CHD7: variants seen among roughly 807,000 people sequenced by gnomAD.
CHD7 encodes chromodomain helicase DNA binding protein 7.
Under a neutral mutation model 307.3 loss-of-function variants are expected in CHD7, and 24 were observed. That is an observed-to-expected ratio of 0.08 (90% CI 0.06 to 0.11). The LOEUF (loss-of-function observed/expected upper bound fraction) is 0.11. Among genes scored for constraint, CHD7 ranks in the 10% least tolerant of loss-of-function variants. The pLI is 1.00. For missense variants in CHD7, 3,106 were observed against 3,727.1 expected, an observed-to-expected ratio of 0.83 and a Z score of 4.34; for synonymous variants, 1,363 against 1,349.9, an observed-to-expected ratio of 1.01 and a Z score of -0.21.
intron 1 of CHD7, among the ~76,000 whole-genome samples, chr8:60,699,517 A>T (rs1806649823): frequency 6.7e-6 from 1 of 150,216 alleles, no homozygotes; most frequent in Non-Finnish European, 1.5e-5. Flanking sequence ...CATTTCACTT[A>T]AAAAAAAATT....
At chr8:60,829,168 T>G (rs1397493442) in intron 14 of CHD7, among the ~76,000 whole-genome samples, 1 of 152,236 alleles carries the variant, frequency 6.6e-6, no homozygotes, top group Non-Finnish European at 1.5e-5. Flanking sequence ...TGCTGCAGTT[T>G]TGAGTCTCTG....
intron 1 of CHD7, among the ~76,000 whole-genome samples, chr8:60,704,192 G>A (rs1029166460): frequency 1.3e-5 from 2 of 151,802 alleles, no homozygotes; most frequent in African/African-American, 2.4e-5. Flanking sequence ...AGAATTTATC[G>A]TTTTGTGTTT....
intron 9 of CHD7, among the ~76,000 whole-genome samples, chr8:60,821,568 A>T (rs1804033696): frequency 6.6e-6 from 1 of 151,480 alleles, no homozygotes; most frequent in African/African-American, 2.4e-5. Context: ...ATGTATATAC[A>T]CCTATGTGTA....
At chr8:60,827,356 A>T (rs1195958707) in intron 13 of CHD7, among the ~76,000 whole-genome samples, 2 of 152,198 alleles carry the variant, frequency 1.3e-5, no homozygotes, top group Non-Finnish European at 2.9e-5. Flanking sequence ...AGCAGTCAAG[A>T]TTTAATTTAA....
intron 2 of CHD7, among the ~76,000 whole-genome samples, chr8:60,761,214 T>A (rs371378580): frequency 6.6e-6 from 1 of 150,896 alleles, no homozygotes; most frequent in Non-Finnish European, 1.5e-5. Context: ...AAATTGGAAA[T>A]CATCATTCTC....
In CHD7 at chr8:60,852,505, A is replaced by G; in HGVS notation, c.5902A>G (p.Arg1968Gly). 1 of 1,613,286 alleles carries G rather than the reference A, an allele frequency of 6.2e-7. No homozygotes were observed. Among genetic ancestry groups the G allele is most frequent in the Admixed American group, 1.7e-5 (1 of 59,940 alleles). The part of the protein sequence containing the change: ...IISEKRQKWT[R>G]REEADFYRVV... Reference sequence around the variant, plus strand: ...ATATAATCTTTCTAACAGGTGGACAAGAAGAGAAGAGGCTGATTTTTACCG... The same window carrying G: ...ATATAATCTTTCTAACAGGTGGACAGGAAGAGAAGAGGCTGATTTTTACCG... The change falls in exon 30 of 38, where the codon AGA becomes GGA. Residue 1968 changes from arginine (R) to glycine (G), a missense_variant. Around this residue, in one of 10 missense-constraint regions of CHD7, gnomAD observed 1,030 missense variants for 1,165.4 expected, o/e 0.88. Coordinates refer to ENST00000423902, the MANE Select transcript of CHD7 (RefSeq NM_017780.4).
intron 1 of CHD7, among the ~76,000 whole-genome samples, chr8:60,713,577 C>T (rs1318968835): frequency 6.6e-6 from 1 of 152,162 alleles, no homozygotes; most frequent in Non-Finnish European, 1.5e-5. Flanking sequence ...TCCTAGAATT[C>T]TGAAATGAGA....
intron 2 of CHD7, among the ~76,000 whole-genome samples, chr8:60,751,257 AT>A (rs1809627755): frequency 6.6e-6 from 1 of 152,160 alleles, no homozygotes; most frequent in Admixed American, 6.5e-5. Context: ...ACTCTCCAGG[AT>A]AAGGGAAAAA....
chr8:60,847,634 A>C (rs1360718642), intron 23 of CHD7, among the ~76,000 whole-genome samples: 1 of 152,224 alleles, frequency 6.6e-6, no homozygotes, highest in Non-Finnish European at 1.5e-5. Flanking sequence ...AGGGCTGTCC[A>C]GCAGGGGATG....
chr8:60,858,278 T>C (rs1377588084), intron 34 of CHD7, among the ~76,000 whole-genome samples: 1 of 152,152 alleles, frequency 6.6e-6, no homozygotes, highest in Admixed American at 6.5e-5. Flanking sequence ...AAAATTTTTT[T>C]CAAAATTGAT....
chr8:60,769,975 C>A (rs982536843), intron 2 of CHD7, among the ~76,000 whole-genome samples: 1 of 152,186 alleles, frequency 6.6e-6, no homozygotes, highest in African/African-American at 2.4e-5. Context: ...AAAGCTAGTT[C>A]TTTCTGGGCT....
intron 3 of CHD7, among the ~76,000 whole-genome samples, chr8:60,781,941 A>G (rs1273437023): frequency 1.3e-5 from 2 of 152,220 alleles, no homozygotes; most frequent in Admixed American, 1.3e-4. Context: ...ATCAAATAGT[A>G]CTTGTCCATT....
chr8:60,850,751 C>A, intron 26 of CHD7, 129 bp downstream of exon 26: 1 of 934,766 alleles, frequency 1.1e-6, no homozygotes, highest in African/African-American at 1.6e-5. Context: ...GTTTACCAGT[C>A]TACTCTATTT....
Position 60,742,992 on chromosome 8 carries a change from C to G in CHD7, c.1560C>G (p.His520Gln), listed in dbSNP as rs1271840526. The G allele has an allele frequency of 6.2e-7, 1 of 1,613,866 alleles. No homozygotes were observed. The highest frequency in any genetic ancestry group is 1.1e-5 in the South Asian group (1 of 91,032). Residue 520 changes from histidine to glutamine, a missense_variant, in exon 2 of 38, where the codon CAC (histidine) becomes CAG (glutamine). Physicochemically the swap from His to Gln is conservative, Grantham distance 24. Transcript: ENST00000423902. ...QLPTCPPLQPHPGLHHQSSPP... is the reference protein window; with the variant it reads ...QLPTCPPLQPQPGLHHQSSPP... ...CAACCTGTCCTCCACTGCAGCCTCA[C>G]CCGGGCTTGCACCACCAGTCTTCAC...
At chr8:60,807,222 G>T (rs780078164) in intron 6 of CHD7, among the ~76,000 whole-genome samples, 2 of 152,170 alleles carry the variant, frequency 1.3e-5, no homozygotes, top group Non-Finnish European at 2.9e-5. Flanking sequence ...TACTTGCCTT[G>T]ATTTTCTTCG....
intron 2 of CHD7, among the ~76,000 whole-genome samples, chr8:60,747,114 T>C (rs1809364847): frequency 6.6e-6 from 1 of 152,250 alleles, no homozygotes; most frequent in Non-Finnish European, 1.5e-5. Context: ...TCTTACTCTT[T>C]CGCCCAGGCT....
intron 2 of CHD7, among the ~76,000 whole-genome samples, chr8:60,758,748 G>T (rs570140551): frequency 3.3e-5 from 5 of 152,128 alleles, no homozygotes; most frequent in African/African-American, 9.7e-5. Flanking sequence ...GCAGTTGCGC[G>T]AGCGCTCTTC....
intron 3 of CHD7, among the ~76,000 whole-genome samples, chr8:60,787,167 T>C (rs1811529883): frequency 6.6e-6 from 1 of 152,044 alleles, no homozygotes; most frequent in African/African-American, 2.4e-5. Flanking sequence ...GGGTGGATGG[T>C]GATATTTTCT....
chr8:60,761,163 TA>T (rs1586283165), intron 2 of CHD7, among the ~76,000 whole-genome samples: 1 of 151,688 alleles, frequency 6.6e-6, no homozygotes, highest in Non-Finnish European at 1.5e-5. Context: ...TATGCAGCCA[TA>T]AAAAATGATG....
Sources: allele counts gnomAD v4.1 joint callset (sites outside exome capture counted in the v4.1 genomes callset), GRCh38; gene constraint gnomAD v4.1.1; regional missense constraint gnomAD v4.1.1; transcripts MANE v1.5; gene names NCBI Gene and HGNC (gene_info 2026-07-23, HGNC 2026-07-21).